The following SGIP1 variants were observed in gnomAD, a reference collection of about 807,000 sequenced individuals.
SGIP1 encodes the protein SH3-containing GRB2-like protein 3-interacting protein 1.
SGIP1 carries 38 observed loss-of-function variants against 107.5 expected under a neutral mutation model. That is an observed-to-expected ratio of 0.35 (90% confidence interval 0.27 to 0.46). SGIP1 has a LOEUF of 0.46. Ranked by LOEUF, SGIP1 falls within the 20% of genes least tolerant of loss-of-function variation. SGIP1 has a pLI of 1.00. For synonymous variants in SGIP1, 365 were observed against 366.1 expected (o/e 1.00, Z 0.03); for missense variants, 929 against 1,019.5 (o/e 0.91, Z 1.21).
intron 1 of SGIP1, among the ~76,000 whole-genome samples, chr1:66,576,003 C>T (rs1341656197): frequency 3.9e-5 from 6 of 152,122 alleles, no homozygotes; most frequent in African/African-American, 1.4e-4. Context: ...CACGTGTGCA[C>T]TGCACTGAGA....
chr1:66,711,029 A>G (rs1378003163), intron 18 of SGIP1, among the ~76,000 whole-genome samples: 1 of 152,160 alleles, frequency 6.6e-6, no homozygotes, highest in Non-Finnish European at 1.5e-5. Context: ...AGAAAAATAT[A>G]CCCTTCCCAA....
chr1:66,682,591 G>C (rs2087002537), intron 15 of SGIP1, among the ~76,000 whole-genome samples: 1 of 152,048 alleles, frequency 6.6e-6, no homozygotes, highest in Admixed American at 6.6e-5. Flanking sequence ...CCAGCCCTTA[G>C]GTGTGCCCTG....
At chr1:66,575,969 C>G (rs962015127) in intron 1 of SGIP1, among the ~76,000 whole-genome samples, 2 of 152,172 alleles carry the variant, frequency 1.3e-5, no homozygotes, top group Non-Finnish European at 2.9e-5. Context: ...CATGTCTAGT[C>G]TGCAGGACCC....
At chr1:66,676,710 C>A (rs1403762714) in intron 12 of SGIP1, among the ~76,000 whole-genome samples, 1 of 152,086 alleles carries the variant, frequency 6.6e-6, no homozygotes, top group Non-Finnish European at 1.5e-5. Context: ...TGTACTGATA[C>A]TCAGAATGTC....
intron 18 of SGIP1, among the ~76,000 whole-genome samples, chr1:66,707,337 G>C (rs2092597388): frequency 6.6e-6 from 1 of 152,084 alleles, no homozygotes; most frequent in Non-Finnish European, 1.5e-5. Context: ...AGACACATCT[G>C]AATCACTTCT....
intron 6 of SGIP1, 76 bp downstream of exon 6, chr1:66,642,940 A>C: frequency 7.8e-7 from 1 of 1,275,998 alleles, no homozygotes; most frequent in Non-Finnish European, 1.1e-6. Context: ...GATTTTACAA[A>C]AGTAATAAAA....
At position 66,534,200 on chromosome 1, in the gene SGIP1, A is replaced by G. The variant is rs1403930748; in HGVS notation, c.-159A>G. On this transcript the variant is annotated 5_prime_UTR_variant, in exon 1 of 25. The change abolishes an upstream ATG in the 5' untranslated region. Transcript: ENST00000371037. The stretch of plus-strand genomic sequence containing the variant: ...AGGTGAAGAAGCACCAGCAGCATCC[A>G]TGGCCTGTCTTTTGGCTTAACACTT... 6 of 706,508 alleles carry G rather than the reference A, an allele frequency of 8.5e-6. No individual in the cohort carries two copies. The highest frequency in any genetic ancestry group is 6.8e-5 in the Admixed American group (3 of 44,176). 43.8% of individuals were successfully genotyped at this position (706,508 alleles called of 1,614,324 possible).
chr1:66,620,717 C>G (rs2070834197), intron 1 of SGIP1, among the ~76,000 whole-genome samples: 1 of 152,158 alleles, frequency 6.6e-6, no homozygotes, highest in Non-Finnish European at 1.5e-5. Flanking sequence ...TGAGTGGGGA[C>G]ATAAAGCCAA....
chr1:66,650,972 T>C (rs962016268), intron 7 of SGIP1, among the ~76,000 whole-genome samples: 1 of 152,140 alleles, frequency 6.6e-6, no homozygotes, highest in African/African-American at 2.4e-5. Flanking sequence ...CTGAGCAAAT[T>C]GCTTAACTCT....
intron 7 of SGIP1, among the ~76,000 whole-genome samples, chr1:66,652,106 T>C (rs2078877737): frequency 6.6e-6 from 1 of 152,126 alleles, no homozygotes; most frequent in African/African-American, 2.4e-5. Flanking sequence ...TTTGAGTATA[T>C]ATCTTATTAT....
At chr1:66,639,420 A>G (rs1274719801) in intron 4 of SGIP1, among the ~76,000 whole-genome samples, 2 of 152,222 alleles carry the variant, frequency 1.3e-5, no homozygotes, top group East Asian at 1.9e-4. Flanking sequence ...ACCATTTAAA[A>G]TACATATATA....
Position 66,617,502 on chromosome 1 carries a change from A to G in SGIP1, c.11-8345A>G, listed in dbSNP as rs559139555. On this transcript the variant is annotated intron_variant, in intron 1 of 24. Coordinates refer to ENST00000371037, the MANE Select transcript of SGIP1 (RefSeq NM_032291.4). ...ATACAGTGAGCATCATAATGAAAAG[A>G]TATAGCCAGTCTAGAGTTGCTGTCA... Among the ~76,000 whole-genome samples the G allele has an allele frequency of 1.4e-4, 22 of 152,348 alleles. No homozygotes were observed. The South Asian group carries it at 3.7e-3, about 26-fold the overall frequency.
At chr1:66,634,127 C>T in intron 3 of SGIP1, 1 of 1,610,508 alleles carries the variant, frequency 6.2e-7, no homozygotes, top group Non-Finnish European at 8.5e-7. Context: ...TCACCTCTTG[C>T]TTCTGGCTCA....
At chr1:66,626,016 A>C in intron 2 of SGIP1, 106 bp downstream of exon 2, 1 of 721,752 alleles carries the variant, frequency 1.4e-6, no homozygotes, top group Non-Finnish European at 2.2e-6. Flanking sequence ...ATTGTGTACT[A>C]TTTGCTTTCC....
intron 1 of SGIP1, among the ~76,000 whole-genome samples, chr1:66,588,259 A>C (rs1383420267): frequency 6.6e-6 from 1 of 151,642 alleles, no homozygotes; most frequent in Non-Finnish European, 1.5e-5. Flanking sequence ...GTCTCCTTGA[A>C]AACATCAGAG....
chr1:66,667,385 A>G, intron 8 of SGIP1, 145 bp from the exon 9 acceptor site: 2 of 777,564 alleles, frequency 2.6e-6, no homozygotes, highest in South Asian at 1.5e-5. Context: ...CCTAAACACT[A>G]GGACTGCCTG....
chr1:66,725,340 T>C (rs2093704846), intron 19 of SGIP1, among the ~76,000 whole-genome samples: 1 of 152,206 alleles, frequency 6.6e-6, no homozygotes, highest in South Asian at 2.1e-4. Context: ...ACCTGAACCA[T>C]GTGTGTTTCA....
chr1:66,626,057 A>G, intron 2 of SGIP1, 147 bp downstream of exon 2: 1 of 475,670 alleles, frequency 2.1e-6, no homozygotes, highest in Non-Finnish European at 3.6e-6. Context: ...ATTATTCAAT[A>G]TAAACAGTTC....
intron 1 of SGIP1, among the ~76,000 whole-genome samples, chr1:66,581,686 A>G (rs2061846650): frequency 6.6e-6 from 1 of 152,050 alleles, no homozygotes; most frequent in African/African-American, 2.4e-5. Context: ...GTTATTGTAC[A>G]TGATTCATGA....
Sources: gnomAD v4.1 joint callset for allele counts (sites outside exome capture counted in the v4.1 genomes callset) on GRCh38, gnomAD v4.1.1 for gene constraint, MANE v1.5 for transcripts, NCBI Gene and HGNC (gene_info 2026-07-23, HGNC 2026-07-21) for gene names.